EEFSEC: variants seen among roughly 807,000 people sequenced by gnomAD.
EEFSEC encodes the protein eukaryotic elongation factor, selenocysteine-tRNA specific.
A neutral mutation model predicts 42.1 loss-of-function variants in EEFSEC; 43 were observed. That is an observed-to-expected ratio of 1.02 (90% CI 0.80 to 1.32). EEFSEC has a LOEUF of 1.32. Among genes scored for constraint, EEFSEC ranks in the 40% most tolerant of loss-of-function variants. The pLI, the probability that EEFSEC is intolerant of heterozygous loss-of-function variation, is 0.00. For missense variants in EEFSEC, 745 were observed against 803.6 expected (o/e 0.93, Z 0.88); for synonymous variants, 354 against 339.1 (o/e 1.04, Z -0.48).
intron 1 of EEFSEC, among the ~76,000 whole-genome samples, chr3:128,231,266 T>C (rs1268100624): frequency 6.6e-6 from 1 of 152,216 alleles, no homozygotes. Context: ...TGATGAGGCT[T>C]TCCACTCATT....
chr3:128,230,933 A>G (rs2065953669), intron 1 of EEFSEC, among the ~76,000 whole-genome samples: 1 of 152,018 alleles, frequency 6.6e-6, no homozygotes, highest in Non-Finnish European at 1.5e-5. Flanking sequence ...TCCAAGAGAA[A>G]TCCTCTTTGG....
chr3:128,167,563 G>A (rs147013328), intron 1 of EEFSEC, among the ~76,000 whole-genome samples: 45 of 152,302 alleles, frequency 3.0e-4, no homozygotes, highest in African/African-American at 7.2e-4. Context: ...GCCACTTTGC[G>A]TAGCAAAGTA....
intron 6 of EEFSEC, among the ~76,000 whole-genome samples, chr3:128,383,309 A>C (rs950429605): frequency 1.3e-5 from 2 of 152,206 alleles, no homozygotes; most frequent in African/African-American, 4.8e-5. Flanking sequence ...GGGCACAATA[A>C]GTGCTCCGTG....
chr3:128,328,113 C>T (rs958185689), intron 4 of EEFSEC, among the ~76,000 whole-genome samples: 2 of 152,220 alleles, frequency 1.3e-5, no homozygotes, highest in African/African-American at 4.8e-5. Flanking sequence ...ACCTGGTACC[C>T]TTAGTCTATT....
At chr3:128,185,227 G>A (rs542438067) in intron 1 of EEFSEC, among the ~76,000 whole-genome samples, 2 of 152,044 alleles carry the variant, frequency 1.3e-5, no homozygotes, top group East Asian at 3.9e-4. Context: ...CGCTGCTGGG[G>A]TATTATATAA....
intron 5 of EEFSEC, among the ~76,000 whole-genome samples, chr3:128,344,922 C>A (rs1168607203): frequency 6.6e-6 from 1 of 152,216 alleles, no homozygotes; most frequent in African/African-American, 2.4e-5. Flanking sequence ...GTTGCAGCTC[C>A]TGAGTGATTG....
At chr3:128,189,425 C>A (rs567534839) in intron 1 of EEFSEC, among the ~76,000 whole-genome samples, 1 of 152,174 alleles carries the variant, frequency 6.6e-6, no homozygotes, top group African/African-American at 2.4e-5. Flanking sequence ...GCTGGTGTAA[C>A]CAAACCTACT....
intron 1 of EEFSEC, among the ~76,000 whole-genome samples, chr3:128,218,699 G>A (rs551498882): frequency 2.0e-5 from 3 of 152,270 alleles, no homozygotes; most frequent in Admixed American, 1.3e-4. Context: ...AGCCCTCCTG[G>A]AGCTGACGGG....
intron 6 of EEFSEC, among the ~76,000 whole-genome samples, chr3:128,396,521 A>T (rs546294499): frequency 3.3e-5 from 5 of 152,280 alleles, no homozygotes; most frequent in Non-Finnish European, 5.9e-5. Context: ...GTCAAATGGG[A>T]TCGTCTCCGC....
At chr3:128,295,212 C>G (rs139041307) in intron 4 of EEFSEC, among the ~76,000 whole-genome samples, 1,707 of 152,308 alleles carry the variant, frequency 0.011, 21 homozygotes, top group African/African-American at 0.039. Context: ...GTGCGATGTC[C>G]CCTCAGCCCT....
At chr3:128,390,347 C>A (rs1307468879) in intron 6 of EEFSEC, among the ~76,000 whole-genome samples, 2 of 152,200 alleles carry the variant, frequency 1.3e-5, no homozygotes, top group Non-Finnish European at 2.9e-5. Context: ...GGCATGGGCC[C>A]AGGAACAAGC....
intron 4 of EEFSEC, among the ~76,000 whole-genome samples, chr3:128,285,314 C>CA (rs1420977860): frequency 2.6e-5 from 4 of 152,058 alleles, no homozygotes; most frequent in Non-Finnish European, 5.9e-5. Flanking sequence ...GCCTGGGAGG[C>CA]ATGGGGTGGA....
At chr3:128,191,574 C>G (rs2065525017) in intron 1 of EEFSEC, among the ~76,000 whole-genome samples, 1 of 152,152 alleles carries the variant, frequency 6.6e-6, no homozygotes. Context: ...TTCTAACTTT[C>G]CATCACCCCA....
intron 1 of EEFSEC, among the ~76,000 whole-genome samples, chr3:128,207,611 C>T (rs1201217739): frequency 1.4e-5 from 2 of 148,034 alleles, no homozygotes; most frequent in Non-Finnish European, 3.0e-5. Flanking sequence ...ACACGCTTAA[C>T]AAGATAAGGA....
intron 5 of EEFSEC, among the ~76,000 whole-genome samples, chr3:128,348,586 G>T (rs565497786): frequency 1.1e-4 from 16 of 152,156 alleles, no homozygotes; most frequent in South Asian, 4.2e-4. Flanking sequence ...TTCTTTGGGG[G>T]TTTTTTTGCA....
rs1370542705 is a variant in EEFSEC at position 128,153,788 on chromosome 3, C to T, written c.281C>T (p.Pro94Leu). The change falls in exon 1 of 7, where the codon CCC becomes CTC. Residue 94 changes from proline to leucine, a missense_variant. Physicochemically the swap from Pro to Leu is moderately conservative, Grantham distance 98 (BLOSUM62 -3). Transcript: ENST00000254730. ...PLLQVTLVDC[P>L]GHASLIRTII... is the part of the protein sequence containing the mutation. Reference sequence around the variant, plus strand: ...CTTCAGGTCACGCTGGTCGACTGCCCCGGGCACGCCTCCCTCATCCGGACC... The same window carrying T: ...CTTCAGGTCACGCTGGTCGACTGCCTCGGGCACGCCTCCCTCATCCGGACC... The T allele has an allele frequency of 6.5e-7, 1 of 1,527,532 alleles. No individual in the cohort carries two copies. The highest frequency in any genetic ancestry group is 1.2e-5 in the South Asian group (1 of 83,486). The allele number at this position is 1,527,532 out of a possible 1,614,324, so 94.6% of individuals were successfully genotyped here.
chr3:128,300,649 A>G (rs1481695547), intron 4 of EEFSEC, among the ~76,000 whole-genome samples: 1 of 152,026 alleles, frequency 6.6e-6, no homozygotes, highest in Non-Finnish European at 1.5e-5. Flanking sequence ...CATGGCTTCT[A>G]CAATAAATTA....
At chr3:128,261,551 C>T (rs1277171848) in intron 2 of EEFSEC, among the ~76,000 whole-genome samples, 153 of 106,766 alleles carry the variant, frequency 1.4e-3, no homozygotes, top group Middle Eastern at 0.013. Context: ...CTCTTTCCCT[C>T]TTTTTTTTTT....
At chr3:128,358,685 A>T (rs2067489215) in intron 6 of EEFSEC, among the ~76,000 whole-genome samples, 1 of 152,168 alleles carries the variant, frequency 6.6e-6, no homozygotes, top group African/African-American at 2.4e-5. Flanking sequence ...GGCGGGAATA[A>T]GATTGAGCCT....
Sources: allele counts gnomAD v4.1 joint callset (sites outside exome capture counted in the v4.1 genomes callset), GRCh38; gene constraint gnomAD v4.1.1; transcripts MANE v1.5; gene names NCBI Gene and HGNC (gene_info 2026-07-23, HGNC 2026-07-21).